ACTR10: variants seen among roughly 807,000 people sequenced by gnomAD.
The protein encoded by ACTR10 is actin-related protein 10.
In ACTR10, 43 loss-of-function variants were observed where a neutral mutation model predicts 56.2. The observed-to-expected ratio is 0.77, with a 90% CI of 0.60 to 0.99. ACTR10 has a LOEUF of 0.99. Ranked by LOEUF, ACTR10 falls within the 50% of genes least tolerant of loss-of-function variation. ACTR10 has a pLI of 0.00. For synonymous variants in ACTR10, 170 were observed against 176.3 expected, an observed-to-expected ratio of 0.96 and a Z score of 0.28; for missense variants, 466 against 507.8, an observed-to-expected ratio of 0.92 and a Z score of 0.79.
intron 7 of ACTR10, among the ~76,000 whole-genome samples, chr14:58,218,161 AT>A (rs1210813246): frequency 6.6e-6 from 1 of 152,198 alleles, no homozygotes; most frequent in Non-Finnish European, 1.5e-5. Context: ...ACATGTTAAA[AT>A]TTATATAAAT....
In ACTR10 at chr14:58,213,696, C is replaced by A. The variant is rs781621665; in HGVS notation, c.516C>A (p.His172Gln). 2 of 1,609,714 alleles carry A rather than the reference C, an allele frequency of 1.2e-6. No individual in the cohort carries two copies. Among genetic ancestry groups the A allele is most frequent in the Non-Finnish European group, 1.7e-6 (2 of 1,177,484 alleles). Reference protein sequence around the residue: ...GALPLGGKALHKELETQLLEQ... With the variant: ...GALPLGGKALQKELETQLLEQ... ...TACCCCTAGGAGGAAAAGCTCTTCA[C>A]AAGTAAGTTTCTTGGAATTTAACAT... is the stretch of plus-strand genomic sequence containing the variant. The change falls in exon 6 of 13, where the codon CAC becomes CAA. Residue 172 changes from histidine (H) to glutamine (Q), a missense_variant and splice_region_variant. His to Gln is a conservative substitution (Grantham distance 24, BLOSUM62 0). Coordinates refer to ENST00000254286, the MANE Select transcript of ACTR10 (RefSeq NM_018477.3).
Position 58,200,154 on chromosome 14 carries a change from G to C in ACTR10, c.-64G>C, listed in dbSNP as rs1594800552. 2.4e-6 allele frequency: 3 copies of C among 1,263,312 alleles called. No individual in the cohort carries two copies. The highest frequency in any genetic ancestry group is 3.4e-5 in the East Asian group (1 of 29,706). The allele number at this position is 1,263,312 out of a possible 1,614,324, so 78.3% of individuals were successfully genotyped here. On this transcript the variant is annotated 5_prime_UTR_variant, in exon 1 of 13. Transcript: ENST00000254286. ...AGCGCCGGAGCCCCGGCCCCGCCCCGCGAGCGCCGAGACTTGTTGGCCGCG... is the reference window on the plus strand; with the variant it reads ...AGCGCCGGAGCCCCGGCCCCGCCCCCCGAGCGCCGAGACTTGTTGGCCGCG...
intron 7 of ACTR10, among the ~76,000 whole-genome samples, chr14:58,219,081 T>C (rs1364340569): frequency 2.0e-5 from 3 of 152,090 alleles, no homozygotes; most frequent in Non-Finnish European, 2.9e-5. Flanking sequence ...TGGCCTTCCA[T>C]AGCGCTGGGA....
At chr14:58,205,314 C>CTTT (rs35929902) in intron 2 of ACTR10, among the ~76,000 whole-genome samples, 6 of 129,628 alleles carry the variant, frequency 4.6e-5, no homozygotes, top group South Asian at 2.5e-4. Context: ...CATCAGAAAT[C>CTTT]TTTTTTTTTT....
intron 1 of ACTR10, among the ~76,000 whole-genome samples, chr14:58,200,795 A>C (rs1888686899): frequency 6.6e-6 from 1 of 152,260 alleles, no homozygotes; most frequent in African/African-American, 2.4e-5. Flanking sequence ...GAAACCCTAT[A>C]GATAAGATTC....
At chr14:58,228,681 CTTTTTTTTTTTTTTTTTTTTTTTTTT>C (rs35498207) in intron 10 of ACTR10, among the ~76,000 whole-genome samples, 3 of 40,768 alleles carry the variant, frequency 7.4e-5, no homozygotes, top group African/African-American at 1.5e-4. Context: ...GCAAGACAGA[CTTTTTTTTTTTTTTTTTTTTTTTTTT>C]TTTTTTTTTT....
intron 12 of ACTR10, 144 bp downstream of exon 12, chr14:58,232,411 T>C (rs1339885479): frequency 2.8e-4 from 137 of 497,124 alleles, no homozygotes; most frequent in South Asian, 8.9e-4. Context: ...TTTCTTTTTT[T>C]TTTTTTTTTT....
In ACTR10 at chr14:58,232,166, G is replaced by A. The variant is rs1232588994; in HGVS notation, c.971G>A (p.Arg324Lys). The A allele has an allele frequency of 4.3e-6, 7 of 1,613,482 alleles. No individual in the cohort carries two copies. The East Asian group carries it at 6.7e-5, about 15-fold the overall frequency. The stretch of plus-strand genomic sequence containing the variant: ...CTCCACAGATTGCTTGCAGAAATAA[G>A]GTATTTGGTAGAAAAACCAAAATAT... ...GFLHRLLAEI[R>K]YLVEKPKYKK... Residue 324 changes from arginine (R) to lysine (K), a missense_variant, in exon 12 of 13, where the codon AGG becomes AAG. Transcript: ENST00000254286.
intron 7 of ACTR10, among the ~76,000 whole-genome samples, chr14:58,219,111 C>T (rs775569619): frequency 2.0e-5 from 3 of 152,170 alleles, no homozygotes; most frequent in East Asian, 3.9e-4. Context: ...TGAGCCACTG[C>T]GCCTGGCCCC....
chr14:58,218,670 A>G (rs1036092622), intron 7 of ACTR10, among the ~76,000 whole-genome samples: 3 of 152,156 alleles, frequency 2.0e-5, no homozygotes, highest in African/African-American at 7.2e-5. Context: ...ATAGTTGACA[A>G]CAAATGTAGA....
At chr14:58,210,679 C>CT (rs200887449) in intron 4 of ACTR10, among the ~76,000 whole-genome samples, 58,492 of 139,856 alleles carry the variant, frequency 0.42, 12,492 homozygotes, top group Middle Eastern at 0.48. Flanking sequence ...TTCTTTTTTT[C>CT]TTTTTTTTTT....
rs889782425 is a variant in ACTR10 at position 58,234,437 on chromosome 14, G to A, written c.1140G>A (p.Gln380=). The change falls in exon 13 of 13, where the codon CAG becomes CAA. Residue 380 remains glutamine (Q), a synonymous_variant. Coordinates refer to ENST00000254286, the MANE Select transcript of ACTR10 (RefSeq NM_018477.3). ...SRSVSKEYYN[Q]TGRIPDWCSL... ...CTGTTTCAAAGGAATATTATAATCA[G>A]ACGGGCCGTATACCTGATTGGTGTT... The A allele has an allele frequency of 6.2e-7, 1 of 1,613,386 alleles. No homozygotes were observed. Among genetic ancestry groups the A allele is most frequent in the East Asian group, 2.2e-5 (1 of 44,832 alleles).
At chr14:58,213,748 A>G (rs1035534514) in intron 6 of ACTR10, 50 bp downstream of exon 6, 2 of 1,444,536 alleles carry the variant, frequency 1.4e-6, no homozygotes, top group Non-Finnish European at 1.9e-6. Context: ...CCACAAAAAC[A>G]GTTGCTAATC....
At chr14:58,232,403 T>TA in intron 12 of ACTR10, 136 bp downstream of exon 12, 16 of 352,646 alleles carry the variant, frequency 4.5e-5, no homozygotes, top group East Asian at 1.2e-4. Context: ...ACTGACTTTT[T>TA]CTTTTTTTTT....
chr14:58,204,792 G>A (rs1888816078), intron 2 of ACTR10, among the ~76,000 whole-genome samples: 1 of 152,154 alleles, frequency 6.6e-6, no homozygotes, highest in Non-Finnish European at 1.5e-5. Flanking sequence ...TAACTGAGTT[G>A]ATGACTTTCT....
At chr14:58,229,196 C>CA (rs562787484) in intron 10 of ACTR10, among the ~76,000 whole-genome samples, 13 of 143,990 alleles carry the variant, frequency 9.0e-5, no homozygotes, top group South Asian at 4.4e-4. Flanking sequence ...TATGTGGAAT[C>CA]AAAAAAAAAA....
chr14:58,219,806 C>G, intron 8 of ACTR10, 77 bp downstream of exon 8: 1 of 858,024 alleles, frequency 1.2e-6, no homozygotes, highest in African/African-American at 1.8e-5. Context: ...AACATTTACA[C>G]AGATAGAAAA....
intron 1 of ACTR10, among the ~76,000 whole-genome samples, chr14:58,200,769 G>A (rs1327986187): frequency 1.3e-5 from 2 of 152,178 alleles, no homozygotes; most frequent in Non-Finnish European, 2.9e-5. Context: ...TAGGGAGACT[G>A]GGCACATTAA....
intron 2 of ACTR10, among the ~76,000 whole-genome samples, chr14:58,204,006 A>G (rs1164097071): frequency 6.6e-6 from 1 of 152,184 alleles, no homozygotes; most frequent in Non-Finnish European, 1.5e-5. Flanking sequence ...GGACTAGCAA[A>G]AACAATAATT....
Sources: gnomAD v4.1 joint callset for allele counts (sites outside exome capture counted in the v4.1 genomes callset) on GRCh38, gnomAD v4.1.1 for gene constraint, MANE v1.5 for transcripts, NCBI Gene and HGNC (gene_info 2026-07-23, HGNC 2026-07-21) for gene names.